OPCML: variants seen among roughly 807,000 people sequenced by gnomAD.
OPCML encodes opioid binding protein/cell adhesion molecule like.
OPCML carries 13 observed loss-of-function variants against 37.8 expected under a neutral mutation model. The observed-to-expected ratio is 0.34, with a 90% CI of 0.22 to 0.55. The LOEUF (loss-of-function observed/expected upper bound fraction) is 0.55. Ranked by LOEUF, OPCML falls within the 20% of genes least tolerant of loss-of-function variation. OPCML has a pLI of 0.91. For synonymous variants in OPCML, 176 were observed against 168.8 expected, an observed-to-expected ratio of 1.04 and a Z score of -0.33; for missense variants, 341 against 435.6, an observed-to-expected ratio of 0.78 and a Z score of 1.93.
intron 1 of OPCML, among the ~76,000 whole-genome samples, chr11:133,033,467 A>G (rs1194959421): frequency 6.6e-6 from 1 of 152,230 alleles, no homozygotes; most frequent in African/African-American, 2.4e-5. Flanking sequence ...CAAATATTAT[A>G]CATATCACTC....
chr11:132,549,904 C>A (rs2096377594), intron 3 of OPCML, among the ~76,000 whole-genome samples: 2 of 152,208 alleles, frequency 1.3e-5, no homozygotes, highest in South Asian at 4.1e-4. Context: ...ACCTGCTGGC[C>A]CTTTCAGCTC....
chr11:132,910,041 G>A (rs1344948665), intron 2 of OPCML, among the ~76,000 whole-genome samples: 1 of 152,194 alleles, frequency 6.6e-6, no homozygotes, highest in African/African-American at 2.4e-5. Context: ...AGTGAGCAAG[G>A]GAGAAAGAGA....
At chr11:133,207,688 C>T (rs866136774) in intron 1 of OPCML, among the ~76,000 whole-genome samples, 2 of 152,162 alleles carry the variant, frequency 1.3e-5, no homozygotes, top group Non-Finnish European at 2.9e-5. Flanking sequence ...CCACTGGTGC[C>T]ATAAGTCTGT....
chr11:132,491,782 G>A (rs1157807300), intron 4 of OPCML, among the ~76,000 whole-genome samples: 1 of 152,178 alleles, frequency 6.6e-6, no homozygotes, highest in Non-Finnish European at 1.5e-5. Context: ...GGTGGAGGAG[G>A]GTGGATCTTC....
chr11:133,261,212 C>T (rs774433652), intron 1 of OPCML, among the ~76,000 whole-genome samples: 5 of 152,320 alleles, frequency 3.3e-5, no homozygotes, highest in Admixed American at 6.5e-5. Context: ...CCTGAGACTA[C>T]GTCACATCCA....
At chr11:132,663,051 C>T (rs1233333368) in intron 2 of OPCML, among the ~76,000 whole-genome samples, 1 of 152,128 alleles carries the variant, frequency 6.6e-6, no homozygotes. Context: ...TAGACAATGG[C>T]AAATGTAGTT....
At chr11:133,512,644 C>G (rs1022792509) in intron 1 of OPCML, among the ~76,000 whole-genome samples, 1 of 152,194 alleles carries the variant, frequency 6.6e-6, no homozygotes, top group Non-Finnish European at 1.5e-5. Flanking sequence ...GCAACAAGAT[C>G]ACATCATGAG....
intron 1 of OPCML, among the ~76,000 whole-genome samples, chr11:133,318,509 C>T (rs1943255936): frequency 6.6e-6 from 1 of 152,076 alleles, no homozygotes; most frequent in Non-Finnish European, 1.5e-5. Context: ...CACTGACCCC[C>T]CACCCTGTTC....
At chr11:133,081,515 T>A (rs1412242324) in intron 1 of OPCML, among the ~76,000 whole-genome samples, 5 of 152,186 alleles carry the variant, frequency 3.3e-5, no homozygotes, top group Non-Finnish European at 7.3e-5. Context: ...CAGGACTGTA[T>A]TTGGTGTTCA....
chr11:133,444,813 C>T (rs1221581496), intron 1 of OPCML, among the ~76,000 whole-genome samples: 4 of 149,772 alleles, frequency 2.7e-5, no homozygotes, highest in East Asian at 1.9e-4. Context: ...TTTTTGCATG[C>T]AGCTGTATCC....
chr11:133,024,779 G>A (rs930662644), intron 1 of OPCML: 31 of 983,572 alleles, frequency 3.2e-5, no homozygotes, highest in Non-Finnish European at 3.6e-5. Context: ...GGAAGACTTG[G>A]AGTGTAAAAT....
chr11:132,466,675 T>C (rs1047866700), intron 4 of OPCML, among the ~76,000 whole-genome samples: 5 of 152,136 alleles, frequency 3.3e-5, no homozygotes, highest in African/African-American at 1.2e-4. Context: ...AAAGCTGGTG[T>C]AGGATGTGCC....
In OPCML at chr11:133,211,492, C is replaced by T. The variant is rs912643899; in HGVS notation, c.62-268482G>A. ...CAGCCTTGAGTCCTTGGAGATACCC[C>T]TCCTCAGACACTGTTGCATATAAGT... On this transcript the variant is annotated intron_variant, in intron 1 of 7. Coordinates refer to ENST00000524381, the MANE Select transcript of OPCML (RefSeq NM_001012393.5). The surrounding 1 kb of genome is among the most constrained non-coding windows in gnomAD (Gnocchi z 4.1). 8.5e-5 allele frequency among the ~76,000 whole-genome samples: 13 copies of T among 152,096 alleles called. No homozygotes were observed. The highest frequency in any genetic ancestry group is 2.9e-4 in the African/African-American group (12 of 41,352).
chr11:132,579,385 A>ATGTG (rs66467384), intron 3 of OPCML, among the ~76,000 whole-genome samples: 16,047 of 146,518 alleles, frequency 0.11, 894 homozygotes, highest in East Asian at 0.18. Context: ...TAGAATGAAT[A>ATGTG]TGTGTGTGTG....
At chr11:133,000,931 A>G (rs982714157) in intron 1 of OPCML, among the ~76,000 whole-genome samples, 4 of 152,134 alleles carry the variant, frequency 2.6e-5, no homozygotes, top group African/African-American at 4.8e-5. Flanking sequence ...TGTTTAACAC[A>G]GTATGGCAGC....
At chr11:133,472,231 A>C (rs1947133160) in intron 1 of OPCML, among the ~76,000 whole-genome samples, 1 of 152,176 alleles carries the variant, frequency 6.6e-6, no homozygotes, top group African/African-American at 2.4e-5. Context: ...AGCCGGGCCA[A>C]GCCTTTGCCT....
chr11:132,891,451 CA>C (rs1411390695), intron 2 of OPCML, among the ~76,000 whole-genome samples: 1 of 151,912 alleles, frequency 6.6e-6, no homozygotes, highest in Admixed American at 6.6e-5. Context: ...TGCAAATAAA[CA>C]AATTAGAATA....
chr11:132,489,175 T>C (rs898203580), intron 4 of OPCML, among the ~76,000 whole-genome samples: 2 of 151,010 alleles, frequency 1.3e-5, no homozygotes, highest in South Asian at 4.2e-4. Context: ...AATTCAGACA[T>C]AAACACACAC....
chr11:133,032,460 G>GA (rs1391111883), intron 1 of OPCML, among the ~76,000 whole-genome samples: 1 of 151,976 alleles, frequency 6.6e-6, no homozygotes, highest in Non-Finnish European at 1.5e-5. Flanking sequence ...TCACCAGGGG[G>GA]AAAAAAAGGC....
Sources: allele counts gnomAD v4.1 joint callset (sites outside exome capture counted in the v4.1 genomes callset), GRCh38; gene constraint gnomAD v4.1.1; non-coding constraint Gnocchi (gnomAD v3.1); transcripts MANE v1.5; gene names NCBI Gene and HGNC (gene_info 2026-07-23, HGNC 2026-07-21).